The following ERBB4 variants were observed in gnomAD, a reference collection of about 807,000 sequenced individuals.
ERBB4 encodes the protein receptor tyrosine-protein kinase erbB-4.
Under a neutral mutation model 158.0 loss-of-function variants are expected in ERBB4, and 42 were observed. The ratio of observed to expected loss-of-function variants is 0.27; its 90% confidence interval spans 0.21 to 0.34. The LOEUF is 0.34. Among genes scored for constraint, ERBB4 ranks in the 10% least tolerant of loss-of-function variants. The pLI, the probability that ERBB4 is intolerant of heterozygous loss-of-function variation, is 1.00. For missense variants in ERBB4, 1,333 were observed against 1,624.1 expected, an observed-to-expected ratio of 0.82 and a Z score of 3.08; for synonymous variants, 583 against 558.7, an observed-to-expected ratio of 1.04 and a Z score of -0.61.
Position 211,460,492 on chromosome 2 carries a change from G to A in ERBB4, c.2488-29392C>T, listed in dbSNP as rs937310433. 9.2e-5 allele frequency among the ~76,000 whole-genome samples: 14 copies of A among 152,112 alleles called. 1 individual carries two copies. Among genetic ancestry groups the A allele is most frequent in the Admixed American group, 8.5e-4 (13 of 15,264 alleles). On this transcript the variant is annotated intron_variant, in intron 20 of 27. Coordinates refer to ENST00000342788, the MANE Select transcript of ERBB4 (RefSeq NM_005235.3). The stretch of plus-strand genomic sequence containing the variant: ...ATAATTAATTCAAAGTTGAACAACT[G>A]GGGGTAGATGGTGGAAGTTGAAACA...
At chr2:211,973,697 G>C (rs2081524071) in intron 2 of ERBB4, among the ~76,000 whole-genome samples, 1 of 152,172 alleles carries the variant, frequency 6.6e-6, no homozygotes. Context: ...CCTAAAAACA[G>C]AAATACCATT....
intron 3 of ERBB4, among the ~76,000 whole-genome samples, chr2:211,909,714 T>C (rs79689172): frequency 0.016 from 2,452 of 151,674 alleles, 81 homozygotes; most frequent in African/African-American, 0.057. Flanking sequence ...TTGATGAAAA[T>C]GTTGTTAGGT....
intron 2 of ERBB4, among the ~76,000 whole-genome samples, chr2:212,015,081 T>TTA (rs2076491655): frequency 1.1e-4 from 1 of 9,142 alleles, no homozygotes; most frequent in African/African-American, 3.0e-4. Flanking sequence ...TATATATATA[T>TTA]ATATATATAT....
chr2:211,580,787 GAT>G (rs58919262), intron 19 of ERBB4, among the ~76,000 whole-genome samples: 4,334 of 67,466 alleles, frequency 0.064, 286 homozygotes, highest in South Asian at 0.11. Flanking sequence ...AAGAAATTGT[GAT>G]ATATATATAT....
intron 2 of ERBB4, among the ~76,000 whole-genome samples, chr2:212,012,935 G>C (rs1013152465): frequency 6.6e-6 from 1 of 151,902 alleles, no homozygotes; most frequent in Non-Finnish European, 1.5e-5. Flanking sequence ...TGTAGAGACG[G>C]GGTCTCACTC....
chr2:212,298,967 C>T (rs563314305), intron 1 of ERBB4, among the ~76,000 whole-genome samples: 3 of 151,788 alleles, frequency 2.0e-5, no homozygotes, highest in Non-Finnish European at 3.0e-5. Flanking sequence ...TTGTGAAATA[C>T]TTTACATGAT....
At chr2:211,979,899 A>G (rs2081740848) in intron 2 of ERBB4, among the ~76,000 whole-genome samples, 1 of 152,152 alleles carries the variant, frequency 6.6e-6, no homozygotes, top group African/African-American at 2.4e-5. Context: ...AACTCACCAC[A>G]TAGTTACTGA....
chr2:212,468,541 T>C (rs1688958174), intron 1 of ERBB4, among the ~76,000 whole-genome samples: 1 of 152,148 alleles, frequency 6.6e-6, no homozygotes, highest in Non-Finnish European at 1.5e-5. Flanking sequence ...TCCACCATGA[T>C]TGTGAGGCCT....
intron 1 of ERBB4, among the ~76,000 whole-genome samples, chr2:212,194,505 T>C (rs1381127735): frequency 6.6e-6 from 1 of 152,048 alleles, no homozygotes; most frequent in Non-Finnish European, 1.5e-5. Flanking sequence ...GCTAACAATA[T>C]ACCACTTGTG....
intron 25 of ERBB4, among the ~76,000 whole-genome samples, chr2:211,403,007 C>T (rs1391348848): frequency 6.6e-6 from 1 of 151,952 alleles, no homozygotes; most frequent in African/African-American, 2.4e-5. Context: ...ATGAAGAACC[C>T]AAGTCATAGA....
chr2:212,363,534 C>A (rs1284187914), intron 1 of ERBB4, among the ~76,000 whole-genome samples: 1 of 151,338 alleles, frequency 6.6e-6, no homozygotes, highest in Non-Finnish European at 1.5e-5. Context: ...AACTTCACGT[C>A]CAACTTAGAC....
At chr2:211,587,849 G>GA (rs2068333150) in intron 19 of ERBB4, among the ~76,000 whole-genome samples, 1 of 152,166 alleles carries the variant, frequency 6.6e-6, no homozygotes, top group African/African-American at 2.4e-5. Context: ...CTTGACCTGG[G>GA]ATTATATTCC....
intron 1 of ERBB4, among the ~76,000 whole-genome samples, chr2:212,409,839 T>C (rs967928029): frequency 1.3e-5 from 2 of 152,124 alleles, no homozygotes; most frequent in Non-Finnish European, 2.9e-5. Context: ...AATGTGTGAC[T>C]AAATCTGTAC....
At chr2:211,594,417 C>T (rs1224700619) in intron 19 of ERBB4, among the ~76,000 whole-genome samples, 1 of 151,610 alleles carries the variant, frequency 6.6e-6, no homozygotes, top group Non-Finnish European at 1.5e-5. Context: ...CCAGCCTGGG[C>T]CACAGAGCAA....
At chr2:211,896,511 T>G (rs543514261) in intron 3 of ERBB4, among the ~76,000 whole-genome samples, 1 of 152,274 alleles carries the variant, frequency 6.6e-6, no homozygotes, top group South Asian at 2.1e-4. Flanking sequence ...CTGATTTTTT[T>G]ATTACTATAG....
At chr2:211,994,190 G>A (rs544013676) in intron 2 of ERBB4, among the ~76,000 whole-genome samples, 33 of 152,114 alleles carry the variant, frequency 2.2e-4, no homozygotes, top group Middle Eastern at 6.8e-3. Flanking sequence ...CAATGTAGTG[G>A]CATGATCATG....
intron 5 of ERBB4, among the ~76,000 whole-genome samples, chr2:211,749,133 A>G (rs1164155089): frequency 6.6e-6 from 1 of 152,160 alleles, no homozygotes; most frequent in Non-Finnish European, 1.5e-5. Flanking sequence ...AAAATTCCCT[A>G]ATGAACTACT....
At chr2:211,515,229 G>GT (rs940256711) in intron 20 of ERBB4, among the ~76,000 whole-genome samples, 1 of 152,136 alleles carries the variant, frequency 6.6e-6, no homozygotes, top group Non-Finnish European at 1.5e-5. Context: ...AAGGAAAATT[G>GT]TGAGGGGGTC....
chr2:211,914,177 A>T (rs1318410278), intron 3 of ERBB4, among the ~76,000 whole-genome samples: 1 of 152,010 alleles, frequency 6.6e-6, no homozygotes. Flanking sequence ...AGATATAAGA[A>T]AAGTGTGAAA....
Sources: allele counts gnomAD v4.1 joint callset (sites outside exome capture counted in the v4.1 genomes callset), GRCh38; gene constraint gnomAD v4.1.1; transcripts MANE v1.5; gene names NCBI Gene and HGNC (gene_info 2026-07-23, HGNC 2026-07-21).